Variants in GRIK4 observed in about 807,000 individuals in gnomAD.
GRIK4 encodes glutamate receptor ionotropic, kainate 4.
In GRIK4, 40 loss-of-function variants were observed where a neutral mutation model predicts 104.9. The observed-to-expected ratio is 0.38, with a 90% confidence interval of 0.30 to 0.50. The LOEUF is 0.50. GRIK4 is among the 20% of genes least tolerant of loss of function. GRIK4 has a pLI of 0.93. For synonymous variants in GRIK4, 485 were observed against 524.9 expected, an observed-to-expected ratio of 0.92 and a Z score of 1.04; for missense variants, 1,047 against 1,308.1, an observed-to-expected ratio of 0.80 and a Z score of 3.08.
rs184522420 is a variant in GRIK4 at position 120,679,725 on chromosome 11, G to A, written c.82+19325G>A. Among the ~76,000 whole-genome samples, 14 of 152,238 alleles carry A rather than the reference G, an allele frequency of 9.2e-5. No homozygotes were observed. The East Asian group carries it at 2.7e-3, about 29-fold the overall frequency. On this transcript the variant is annotated intron_variant, in intron 3 of 20. Coordinates refer to ENST00000527524, the MANE Select transcript of GRIK4 (RefSeq NM_014619.5). ...CCCACCTCAGACATGCTAACCTTTG[G>A]GCTCTCTCATGCCTCCCATCCTCAC... is the stretch of plus-strand genomic sequence containing the variant.
At chr11:120,836,454 A>G (rs1953577171) in intron 7 of GRIK4, among the ~76,000 whole-genome samples, 1 of 152,060 alleles carries the variant, frequency 6.6e-6, no homozygotes, top group African/African-American at 2.4e-5. Context: ...AGTCTTTTTT[A>G]TTATTTGCTT....
At chr11:120,969,665 A>G (rs1944441406) in intron 19 of GRIK4, among the ~76,000 whole-genome samples, 1 of 152,186 alleles carries the variant, frequency 6.6e-6, no homozygotes, top group African/African-American at 2.4e-5. Flanking sequence ...TTGCTCTATG[A>G]TAACAATGAG....
At chr11:120,805,781 G>A (rs975702985) in intron 4 of GRIK4, among the ~76,000 whole-genome samples, 9 of 152,126 alleles carry the variant, frequency 5.9e-5, no homozygotes, top group East Asian at 1.9e-4. Context: ...TGGCTTAAGC[G>A]CCTACCACCT....
rs78956841 is a variant in GRIK4, at chr11:120,702,948, C to A, written c.82+42548C>A. Among the ~76,000 whole-genome samples the A allele has an allele frequency of 7.3e-3, 1,113 of 152,200 alleles. 56 individuals carry two copies. In the East Asian group the frequency reaches 0.13, roughly 18 times the overall value. On this transcript the variant is annotated intron_variant, in intron 3 of 20. Coordinates refer to ENST00000527524, the MANE Select transcript of GRIK4 (RefSeq NM_014619.5). ...CTGTCTTGTTTTATTTCCATAAGTC[C>A]TTTTAGGGGAGTATTTGTAGTGCTT...
intron 1 of GRIK4, among the ~76,000 whole-genome samples, chr11:120,642,977 G>A (rs1004666391): frequency 6.6e-6 from 1 of 152,100 alleles, no homozygotes; most frequent in African/African-American, 2.4e-5. Flanking sequence ...GCCTCCACTT[G>A]CACTGGGAGT....
At chr11:120,570,144 C>T (rs896381327) in intron 1 of GRIK4, among the ~76,000 whole-genome samples, 1 of 137,776 alleles carries the variant, frequency 7.3e-6, no homozygotes, top group Non-Finnish European at 1.6e-5. Flanking sequence ...GGATCAAGGT[C>T]GAAAAGGCTG....
intron 13 of GRIK4, among the ~76,000 whole-genome samples, chr11:120,915,528 C>T (rs1477736021): frequency 7.2e-5 from 11 of 152,088 alleles, no homozygotes; most frequent in Admixed American, 2.0e-4. Flanking sequence ...AGAAGATTGC[C>T]GCTGGGCCTC....
rs187135214 is a variant in GRIK4, at chr11:120,686,435, G to A, written c.82+26035G>A. ...TTGTATTATAATTATTTAAGCACAC[G>A]GTATCTTTCCTAAAAACTGAAAGTT... On this transcript the variant is annotated intron_variant, in intron 3 of 20. Transcript: ENST00000527524. 1.4e-3 allele frequency among the ~76,000 whole-genome samples: 206 copies of A among 152,242 alleles called. 1 individual carries two copies. The highest frequency in any genetic ancestry group is 6.8e-3 in the Middle Eastern group (2 of 294).
intron 3 of GRIK4, among the ~76,000 whole-genome samples, chr11:120,711,641 C>A (rs1950736138): frequency 6.6e-6 from 1 of 152,178 alleles, no homozygotes; most frequent in Admixed American, 6.5e-5. Context: ...AGCCACCTGG[C>A]AAAACTATAC....
At chr11:120,876,649 GCTCAGGGTGACTGACTGA>G (rs879659437) in intron 11 of GRIK4, among the ~76,000 whole-genome samples, 9 of 151,922 alleles carry the variant, frequency 5.9e-5, no homozygotes, top group Non-Finnish European at 1.2e-4. Flanking sequence ...AGAAACTGAG[GCTCAGGGTGACTGACTGA>G]CTTATCCTTG....
chr11:120,686,958 A>G (rs1198576219), intron 3 of GRIK4, among the ~76,000 whole-genome samples: 1 of 152,202 alleles, frequency 6.6e-6, no homozygotes, highest in Non-Finnish European at 1.5e-5. Context: ...CTCTGGTTAA[A>G]ATCCTTTATA....
intron 4 of GRIK4, among the ~76,000 whole-genome samples, chr11:120,806,672 G>A (rs1182726444): frequency 6.6e-6 from 1 of 152,212 alleles, no homozygotes; most frequent in Admixed American, 6.5e-5. Context: ...TTGAGTAACA[G>A]GGATTTCAGA....
intron 1 of GRIK4, among the ~76,000 whole-genome samples, chr11:120,597,303 G>A (rs2135123056): frequency 6.6e-6 from 1 of 152,354 alleles, no homozygotes; most frequent in East Asian, 1.9e-4. Flanking sequence ...ACCATGATGA[G>A]GAGATGATGT....
At chr11:120,847,413 T>C (rs994954835) in intron 8 of GRIK4, among the ~76,000 whole-genome samples, 3 of 152,208 alleles carry the variant, frequency 2.0e-5, no homozygotes, top group Admixed American at 6.5e-5. Context: ...GATGAAGATA[T>C]GCACAGGGTA....
chr11:120,724,480 A>G (rs1950992529), intron 3 of GRIK4, among the ~76,000 whole-genome samples: 1 of 152,212 alleles, frequency 6.6e-6, no homozygotes, highest in African/African-American at 2.4e-5. Flanking sequence ...TCAGTTTGTT[A>G]GGTGAACTTT....
intron 3 of GRIK4, among the ~76,000 whole-genome samples, chr11:120,763,961 C>T (rs1350129589): frequency 6.6e-6 from 1 of 152,048 alleles, no homozygotes; most frequent in African/African-American, 2.4e-5. Flanking sequence ...CTGTTAGGTT[C>T]GCTTGGTCCA....
chr11:120,720,330 C>T (rs1950908018), intron 3 of GRIK4, among the ~76,000 whole-genome samples: 1 of 152,226 alleles, frequency 6.6e-6, no homozygotes, highest in African/African-American at 2.4e-5. Context: ...TTATTGTAGA[C>T]TGTTTTCTGC....
chr11:120,725,215 T>A (rs998756400), intron 3 of GRIK4, among the ~76,000 whole-genome samples: 1 of 152,214 alleles, frequency 6.6e-6, no homozygotes, highest in Non-Finnish European at 1.5e-5. Context: ...AAGAGTTAGC[T>A]GGTCTCCATA....
intron 8 of GRIK4, among the ~76,000 whole-genome samples, chr11:120,841,422 T>G (rs1953713058): frequency 6.6e-6 from 1 of 152,226 alleles, no homozygotes; most frequent in South Asian, 2.1e-4. Context: ...TAGGGTTCAT[T>G]CATATGTCAG....
Sources: allele counts gnomAD v4.1 joint callset (sites outside exome capture counted in the v4.1 genomes callset), GRCh38; gene constraint gnomAD v4.1.1; transcripts MANE v1.5; gene names NCBI Gene and HGNC (gene_info 2026-07-23, HGNC 2026-07-21).